IGFBP7: variants seen among roughly 807,000 people sequenced by gnomAD.
IGFBP7 encodes the protein insulin like growth factor binding protein 7.
A neutral mutation model predicts 29.4 loss-of-function variants in IGFBP7; 31 were observed. The observed-to-expected ratio is 1.05, with a 90% confidence interval of 0.79 to 1.42. IGFBP7 has a LOEUF of 1.42. Ranked by LOEUF, IGFBP7 falls within the 40% of genes most tolerant of loss-of-function variation. The pLI is 0.00. For missense variants in IGFBP7, 393 were observed against 395.5 expected (o/e 0.99, Z 0.05); for synonymous variants, 172 against 174.9 (o/e 0.98, Z 0.13).
chr4:57,038,532 C>T (rs907394819), intron 2 of IGFBP7, among the ~76,000 whole-genome samples: 23 of 152,102 alleles, frequency 1.5e-4, no homozygotes, highest in African/African-American at 5.1e-4. Context: ...CTGCGGGAGC[C>T]ACAGTCCTCC....
At chr4:57,060,202 C>T (rs1275240506) in intron 1 of IGFBP7, among the ~76,000 whole-genome samples, 1 of 152,144 alleles carries the variant, frequency 6.6e-6, no homozygotes, top group Non-Finnish European at 1.5e-5. Context: ...TCCCAGAGTT[C>T]CCAGACAAAT....
chr4:57,042,751 C>T (rs1317542609), intron 1 of IGFBP7, among the ~76,000 whole-genome samples: 1 of 152,212 alleles, frequency 6.6e-6, no homozygotes. Flanking sequence ...GGAACACAGC[C>T]ACACTTATTT....
intron 1 of IGFBP7, among the ~76,000 whole-genome samples, chr4:57,044,340 C>T (rs189603648): frequency 1.2e-4 from 19 of 152,308 alleles, no homozygotes; most frequent in African/African-American, 4.6e-4. Flanking sequence ...GATTTTAAAA[C>T]AGATGTTCTT....
chr4:57,056,226 C>T (rs1487370366), intron 1 of IGFBP7, among the ~76,000 whole-genome samples: 1 of 152,172 alleles, frequency 6.6e-6, no homozygotes, highest in Non-Finnish European at 1.5e-5. Flanking sequence ...CTCATGCATT[C>T]TTTGCTGAGT....
chr4:57,092,585 C>A (rs949767976), intron 1 of IGFBP7, among the ~76,000 whole-genome samples: 1 of 151,644 alleles, frequency 6.6e-6, no homozygotes, highest in African/African-American at 2.4e-5. Flanking sequence ...TGCTTTTGGG[C>A]TTTTGTTTTT....
intron 1 of IGFBP7, among the ~76,000 whole-genome samples, chr4:57,093,487 A>G (rs1046523254): frequency 3.3e-4 from 50 of 151,450 alleles, no homozygotes; most frequent in African/African-American, 1.2e-3. Flanking sequence ...GCAACAGAGC[A>G]AGACTCTGTC....
In IGFBP7 at chr4:57,107,654, C is replaced by G. The variant is rs1356750598; in HGVS notation, c.475+2223G>C. Reference sequence around the variant, plus strand: ...GGTCTCTGCCATTTAGAACTCATCTCTCTCAATTTAGGATGAGAAGAAATG... The same window carrying G: ...GGTCTCTGCCATTTAGAACTCATCTGTCTCAATTTAGGATGAGAAGAAATG... On this transcript the variant is annotated intron_variant, in intron 1 of 4. Coordinates refer to ENST00000295666, the MANE Select transcript of IGFBP7 (RefSeq NM_001553.3). Among the ~76,000 whole-genome samples, 7 of 152,344 alleles carry G rather than the reference C, an allele frequency of 4.6e-5. No homozygotes were observed. In the East Asian group the frequency reaches 1.3e-3, roughly 29 times the overall value.
chr4:57,080,599 C>T (rs1725343750), intron 1 of IGFBP7, among the ~76,000 whole-genome samples: 1 of 152,202 alleles, frequency 6.6e-6, no homozygotes, highest in Non-Finnish European at 1.5e-5. Context: ...ATGATCATGG[C>T]TCACTGCAGC....
chr4:57,086,527 C>T (rs188202488), intron 1 of IGFBP7, among the ~76,000 whole-genome samples: 2 of 152,280 alleles, frequency 1.3e-5, no homozygotes, highest in East Asian at 3.9e-4. Context: ...TGTCTTTCCA[C>T]CTAGCTGCTG....
intron 1 of IGFBP7, among the ~76,000 whole-genome samples, chr4:57,077,523 C>T (rs1713980): frequency 0.047 from 7,137 of 152,058 alleles, 234 homozygotes; most frequent in Non-Finnish European, 0.073. Context: ...AGTGATCTGC[C>T]TGCCTCAGCA....
intron 1 of IGFBP7, among the ~76,000 whole-genome samples, chr4:57,103,078 T>A (rs2109805622): frequency 6.6e-6 from 1 of 152,254 alleles, no homozygotes; most frequent in Admixed American, 6.5e-5. Flanking sequence ...CACTCCCAAG[T>A]AGCAAGCAGC....
chr4:57,101,452 T>G (rs1166190096), intron 1 of IGFBP7, among the ~76,000 whole-genome samples: 1 of 152,176 alleles, frequency 6.6e-6, no homozygotes, highest in Non-Finnish European at 1.5e-5. Flanking sequence ...ACTGCTCCTC[T>G]CCCTGGTAAC....
chr4:57,104,750 G>A (rs550249503), intron 1 of IGFBP7, among the ~76,000 whole-genome samples: 23 of 152,292 alleles, frequency 1.5e-4, no homozygotes, highest in African/African-American at 5.3e-4. Context: ...GAAATGTTGG[G>A]ATTTGGGGGG....
intron 2 of IGFBP7, among the ~76,000 whole-genome samples, chr4:57,036,010 A>G (rs1303656729): frequency 6.6e-6 from 1 of 152,214 alleles, no homozygotes; most frequent in Non-Finnish European, 1.5e-5. Flanking sequence ...GTGTACTTTG[A>G]TGCTTAAAGT....
chr4:57,050,999 G>T (rs1282740591), intron 1 of IGFBP7, among the ~76,000 whole-genome samples: 2 of 152,148 alleles, frequency 1.3e-5, no homozygotes, highest in Admixed American at 6.5e-5. Context: ...CAAATAAGGG[G>T]AAAATCAGGG....
chr4:57,035,258 A>C (rs1724055228), intron 2 of IGFBP7, among the ~76,000 whole-genome samples: 1 of 152,216 alleles, frequency 6.6e-6, no homozygotes, highest in African/African-American at 2.4e-5. Context: ...CATAAATCAC[A>C]ATATAGATAT....
intron 1 of IGFBP7, among the ~76,000 whole-genome samples, chr4:57,061,391 A>T (rs544908868): frequency 6.6e-6 from 1 of 152,226 alleles, no homozygotes; most frequent in Non-Finnish European, 1.5e-5. Flanking sequence ...TAACAACAGC[A>T]ACTAATAGTA....
At chr4:57,101,827 G>C (rs1725904360) in intron 1 of IGFBP7, among the ~76,000 whole-genome samples, 1 of 151,690 alleles carries the variant, frequency 6.6e-6, no homozygotes, top group Admixed American at 6.6e-5. Context: ...AACATTTCTA[G>C]TCCTCCACTG....
chr4:57,104,114 T>C (rs947121714), intron 1 of IGFBP7, among the ~76,000 whole-genome samples: 5 of 152,210 alleles, frequency 3.3e-5, no homozygotes, highest in African/African-American at 1.2e-4. Context: ...TTTGTCATTC[T>C]GTGCTTGGCT....
Sources: allele counts gnomAD v4.1 joint callset (sites outside exome capture counted in the v4.1 genomes callset), GRCh38; gene constraint gnomAD v4.1.1; transcripts MANE v1.5; gene names NCBI Gene and HGNC (gene_info 2026-07-23, HGNC 2026-07-21).